The following FYB1 variants were observed in gnomAD, a reference collection of about 807,000 sequenced individuals.
The protein encoded by FYB1 is FYN binding protein 1, also known as FYN-binding protein 1.
Under a neutral mutation model 94.1 loss-of-function variants are expected in FYB1, and 41 were observed. The observed-to-expected ratio is 0.44, with a 90% CI of 0.34 to 0.57. The LOEUF (loss-of-function observed/expected upper bound fraction) is 0.57, where lower values mean the gene tolerates loss of function less well. Among genes scored for constraint, FYB1 ranks in the 20% least tolerant of loss-of-function variants. FYB1 has a pLI of 0.02. For synonymous variants in FYB1, 367 were observed against 353.2 expected (o/e 1.04, Z -0.44); for missense variants, 1,050 against 976.8 (o/e 1.07, Z -1.00).
intron 2 of FYB1, among the ~76,000 whole-genome samples, chr5:39,154,855 G>A (rs1041383118): frequency 2.0e-5 from 3 of 152,124 alleles, no homozygotes; most frequent in Admixed American, 6.5e-5. Context: ...TCCTCCCAAA[G>A]TGCTGGGATT....
Position 39,202,167 on chromosome 5 carries a change from T to A in FYB1, c.794A>T (p.Lys265Ile). 1 of 1,614,028 alleles carries A rather than the reference T, an allele frequency of 6.2e-7. No homozygotes were observed. Among genetic ancestry groups the A allele is most frequent in the Non-Finnish European group, 8.5e-7 (1 of 1,179,896 alleles). The change falls in exon 2 of 19, where the codon AAA becomes ATA. Residue 265 changes from lysine (K) to isoleucine (I), a missense_variant. By Grantham distance (102) the Lys-to-Ile change is moderately radical. Coordinates refer to ENST00000512982, the MANE Select transcript of FYB1 (RefSeq NM_001465.6). ...TGGGCCTCCCCTGCTCGCAGCAGGT[T>A]TCAAAACCACTCCAGGAAAGGGCAA... Reference protein sequence around the residue: ...SSLPFPGVVLKPAASRGGPGL... With the variant: ...SSLPFPGVVLIPAASRGGPGL...
In FYB1 at chr5:39,126,051, T is replaced by A; in HGVS notation, c.1992A>T (p.Lys664Asn). ...AGACTTTAGGTTTCTCTCGTATACTTTTCTTTCTGTCATCTTTTCCCTTTA... is the reference window on the plus strand; with the variant it reads ...AGACTTTAGGTTTCTCTCGTATACTATTCTTTCTGTCATCTTTTCCCTTTA... Reference protein sequence around the residue: ...KMLKGKDDRKKSIREKPKVSD... With the variant: ...KMLKGKDDRKNSIREKPKVSD... The change falls in exon 12 of 19, where the codon AAA becomes AAT. Residue 664 changes from lysine (K) to asparagine (N), a missense_variant. Lys to Asn is a moderately conservative substitution (Grantham distance 94, BLOSUM62 0). Coordinates refer to ENST00000512982, the MANE Select transcript of FYB1 (RefSeq NM_001465.6). The A allele has an allele frequency of 3.1e-6, 5 of 1,613,536 alleles. No homozygotes were observed. The highest frequency in any genetic ancestry group is 4.2e-6 in the Non-Finnish European group (5 of 1,179,648).
At chr5:39,193,458 G>C (rs989652516) in intron 2 of FYB1, among the ~76,000 whole-genome samples, 1 of 152,166 alleles carries the variant, frequency 6.6e-6, no homozygotes, top group East Asian at 1.9e-4. Context: ...AGAAAGGGAA[G>C]ATAACATCAT....
intron 2 of FYB1, among the ~76,000 whole-genome samples, chr5:39,179,131 T>C (rs1579575836): frequency 6.6e-6 from 1 of 152,188 alleles, no homozygotes; most frequent in African/African-American, 2.4e-5. Flanking sequence ...TATGAAAATA[T>C]CCATTTAATC....
chr5:39,195,861 G>A (rs1747784138), intron 2 of FYB1, among the ~76,000 whole-genome samples: 1 of 152,094 alleles, frequency 6.6e-6, no homozygotes, highest in Admixed American at 6.5e-5. Context: ...AGGAAGCAAA[G>A]GAAAGGTTAG....
In FYB1 at chr5:39,202,978, C is replaced by T. The variant is rs758042044; in HGVS notation, c.-18G>A. ...TTCGCCATGAGGGACTTTACATCTG[C>T]CTTTCCATCCTACAAACATAGGGAA... On this transcript the variant is annotated 5_prime_UTR_variant, in exon 2 of 19. Coordinates refer to ENST00000512982, the MANE Select transcript of FYB1 (RefSeq NM_001465.6). The T allele has an allele frequency of 3.7e-6, 6 of 1,613,022 alleles. No homozygotes were observed. The highest frequency in any genetic ancestry group is 5.1e-6 in the Non-Finnish European group (6 of 1,179,676).
Position 39,128,688 on chromosome 5 carries a change from C to T in FYB1, c.1841-881G>A, listed in dbSNP as rs553424670. ...GAAAGAAGTGGCTTACTCTGAGTCA[C>T]TTGCTGGCTAGCTCTAGAATCCAGT... On this transcript the variant is annotated intron_variant, in intron 10 of 18. Transcript: ENST00000512982. Among the ~76,000 whole-genome samples, 4 of 152,224 alleles carry T rather than the reference C, an allele frequency of 2.6e-5. No homozygotes were observed. The East Asian group carries it at 5.8e-4, about 22-fold the overall frequency.
intron 2 of FYB1, among the ~76,000 whole-genome samples, chr5:39,164,951 T>C (rs1744584611): frequency 2.0e-5 from 3 of 152,214 alleles, no homozygotes; most frequent in African/African-American, 4.8e-5. Context: ...AGCTTCCCTG[T>C]AGTGCCTGGA....
intron 1 of FYB1, among the ~76,000 whole-genome samples, chr5:39,273,729 A>C (rs1752726229): frequency 6.6e-6 from 1 of 152,166 alleles, no homozygotes; most frequent in Non-Finnish European, 1.5e-5. Context: ...GCAATGAATG[A>C]GTCTGCCCCT....
chr5:39,233,408 T>C (rs1400298308), intron 1 of FYB1, among the ~76,000 whole-genome samples: 2 of 152,192 alleles, frequency 1.3e-5, no homozygotes, highest in African/African-American at 4.8e-5. Flanking sequence ...CCAGTTGTTT[T>C]ATATTTGTAC....
At chr5:39,222,748 C>T (rs575004074), upstream of FYB1, among the ~76,000 whole-genome samples, 1 of 152,174 alleles carries the variant, frequency 6.6e-6, no homozygotes, top group East Asian at 1.9e-4. Flanking sequence ...TTATTTTGAG[C>T]TTTTCTTATT....
At chr5:39,157,897 T>G (rs969307149) in intron 2 of FYB1, among the ~76,000 whole-genome samples, 5 of 152,144 alleles carry the variant, frequency 3.3e-5, no homozygotes, top group Admixed American at 6.5e-5. Flanking sequence ...TCAGATGAAT[T>G]TGCAACCTAC....
At chr5:39,258,266 A>T (rs900973589) in intron 1 of FYB1, among the ~76,000 whole-genome samples, 1 of 152,122 alleles carries the variant, frequency 6.6e-6, no homozygotes, top group East Asian at 1.9e-4. Flanking sequence ...GATTTACTCA[A>T]TACCATTAAT....
At chr5:39,137,742 T>C in intron 6 of FYB1, 22 bp from the exon 7 acceptor site, 1 of 1,550,638 alleles carries the variant, frequency 6.4e-7, no homozygotes, top group Non-Finnish European at 8.7e-7. Context: ...AATTGTTAGG[T>C]TGTTTTCACA....
chr5:39,223,786 TG>T (rs1750364919), upstream of FYB1, among the ~76,000 whole-genome samples: 1 of 152,080 alleles, frequency 6.6e-6, no homozygotes, highest in Admixed American at 6.6e-5. Flanking sequence ...AGAGTGGGGG[TG>T]GGTGTAGTAG....
At chr5:39,166,545 G>C (rs1744756735) in intron 2 of FYB1, among the ~76,000 whole-genome samples, 1 of 152,016 alleles carries the variant, frequency 6.6e-6, no homozygotes, top group South Asian at 2.1e-4. Context: ...ATCAACCTAA[G>C]TGTCCATCAA....
chr5:39,252,005 A>T (rs12655814), intron 1 of FYB1, among the ~76,000 whole-genome samples: 30,671 of 151,858 alleles, frequency 0.2, 4,556 homozygotes, highest in African/African-American at 0.42. Flanking sequence ...TTTAGCCTGG[A>T]GTGGTGGCGG....
At chr5:39,237,733 T>C (rs1035250138) in intron 1 of FYB1, among the ~76,000 whole-genome samples, 8 of 152,068 alleles carry the variant, frequency 5.3e-5, no homozygotes, top group African/African-American at 1.9e-4. Context: ...AATATTTCAG[T>C]TGCTGTGAAT....
chr5:39,274,497 A>G (rs1367852276), exon 1 of FYB1: 1 of 152,056 alleles, frequency 6.6e-6, no homozygotes, highest in Non-Finnish European at 1.5e-5. Context: ...CTCTTTTAAT[A>G]TGTTTGCCCT....
Sources: gnomAD v4.1 joint callset for allele counts (sites outside exome capture counted in the v4.1 genomes callset) on GRCh38, gnomAD v4.1.1 for gene constraint, MANE v1.5 for transcripts, NCBI Gene and HGNC (gene_info 2026-07-23, HGNC 2026-07-21) for gene names.